Variants in RAPGEF5 observed in about 807,000 individuals in gnomAD.
The protein encoded by RAPGEF5 is Rap guanine nucleotide exchange factor 5.
In RAPGEF5, 65 loss-of-function variants were observed where a neutral mutation model predicts 125.2. The ratio of observed to expected loss-of-function variants is 0.52; its 90% CI spans 0.43 to 0.64. RAPGEF5 has a LOEUF of 0.64. Ranked by LOEUF, RAPGEF5 falls within the 30% of genes least tolerant of loss-of-function variation. The probability of loss-of-function intolerance (pLI) is 0.00; values close to 1 mark genes in which losing one functional copy is unlikely to be tolerated. For synonymous variants in RAPGEF5, 391 were observed against 385.9 expected, an observed-to-expected ratio of 1.01 and a Z score of -0.16; for missense variants, 958 against 1,048.1, an observed-to-expected ratio of 0.91 and a Z score of 1.19.
At chr7:22,210,734 T>C (rs1047733717) in intron 9 of RAPGEF5, among the ~76,000 whole-genome samples, 2 of 152,190 alleles carry the variant, frequency 1.3e-5, no homozygotes, top group African/African-American at 2.4e-5. Context: ...TGGTTGAGCC[T>C]TGTTCACTGA....
chr7:22,310,128 T>C, intron 3 of RAPGEF5, 38 bp from the exon 4 acceptor site: 1 of 1,467,018 alleles, frequency 6.8e-7, no homozygotes, highest in Non-Finnish European at 9.0e-7. Flanking sequence ...AAGATATTGC[T>C]GACATCCGTT....
At chr7:22,278,042 A>G (rs1156998071) in intron 6 of RAPGEF5, among the ~76,000 whole-genome samples, 1 of 152,166 alleles carries the variant, frequency 6.6e-6, no homozygotes, top group African/African-American at 2.4e-5. Flanking sequence ...AGGGCCTTAA[A>G]GTCACTTGCT....
chr7:22,125,422 C>G (rs1403516660), intron 25 of RAPGEF5, 182 bp downstream of exon 25: 1 of 566,100 alleles, frequency 1.8e-6, no homozygotes, highest in East Asian at 3.2e-5. Flanking sequence ...TTGTCTTCCT[C>G]TGCATCCCCA....
intron 11 of RAPGEF5, among the ~76,000 whole-genome samples, chr7:22,177,590 A>G (rs757651649): frequency 3.7e-4 from 57 of 152,232 alleles, no homozygotes; most frequent in Admixed American, 2.6e-3. Context: ...AGTGCTAATG[A>G]TAATCACGGA....
In RAPGEF5 at chr7:22,335,150, G is replaced by A. The variant is rs766463568; in HGVS notation, c.232-17113C>T. On this transcript the variant is annotated intron_variant, in intron 1 of 25. Coordinates refer to ENST00000665637, the MANE Select transcript of RAPGEF5 (RefSeq NM_012294.5). ...GGCAGGGGCATGCATGTTTATAAAC[G>A]AGCCAAATCCTTACCTTACAATCAA... 2.6e-5 allele frequency among the ~76,000 whole-genome samples: 4 copies of A among 152,178 alleles called. No homozygotes were observed. The East Asian group carries it at 7.7e-4, about 29-fold the overall frequency.
intron 9 of RAPGEF5, among the ~76,000 whole-genome samples, chr7:22,197,083 A>G (rs1785164411): frequency 6.6e-6 from 1 of 152,204 alleles, no homozygotes; most frequent in African/African-American, 2.4e-5. Context: ...GAGAGCCAGG[A>G]GAGCGCTGTA....
At chr7:22,126,410 T>C (rs767062899) in intron 24 of RAPGEF5, among the ~76,000 whole-genome samples, 7 of 152,192 alleles carry the variant, frequency 4.6e-5, no homozygotes, top group Non-Finnish European at 8.8e-5. Context: ...GTCACTGTCA[T>C]TGCTGTTGAA....
intron 6 of RAPGEF5, among the ~76,000 whole-genome samples, chr7:22,281,988 A>G (rs966028492): frequency 1.3e-5 from 2 of 152,220 alleles, no homozygotes; most frequent in Non-Finnish European, 2.9e-5. Flanking sequence ...AATGATGGCC[A>G]TTCCTCAAAC....
At position 22,149,431 on chromosome 7, in the gene RAPGEF5, G is replaced by A. The variant is rs10248756; in HGVS notation, c.1884+976C>T. Among the ~76,000 whole-genome samples the A allele has an allele frequency of 4.9e-3, 744 of 152,294 alleles. 7 individuals are homozygous for A. Among genetic ancestry groups the A allele is most frequent in the African/African-American group, 0.017 (705 of 41,554 alleles). On this transcript the variant is annotated intron_variant, in intron 18 of 25. Transcript: ENST00000665637. The stretch of plus-strand genomic sequence containing the variant: ...GGGACTCTGAGTTCCAGACACAATC[G>A]CAATCTGCTAGAGCCCACTTTTTCT...
chr7:22,354,876 C>T (rs1057122923), intron 1 of RAPGEF5, among the ~76,000 whole-genome samples: 1 of 152,204 alleles, frequency 6.6e-6, no homozygotes, highest in Non-Finnish European at 1.5e-5. Context: ...GTTGTTTAAA[C>T]CACCCAGTCT....
At chr7:22,128,947 T>C (rs1308249647) in intron 24 of RAPGEF5, among the ~76,000 whole-genome samples, 1 of 152,224 alleles carries the variant, frequency 6.6e-6, no homozygotes, top group African/African-American at 2.4e-5. Flanking sequence ...GGTATGATGA[T>C]TGACCCTAAT....
At chr7:22,200,873 T>C (rs996040699) in intron 9 of RAPGEF5, among the ~76,000 whole-genome samples, 16 of 152,234 alleles carry the variant, frequency 1.1e-4, no homozygotes, top group African/African-American at 3.9e-4. Context: ...TGGGATAGAC[T>C]GTAGCATCTT....
rs1389210958 is a variant in RAPGEF5 at position 22,357,127 on chromosome 7, C to T, written c.-67G>A. ...GCTCGCCTCCGCGCGCCGTCCGCGC[C>T]TTCGCCAGGAAGCGAGAGGGCGCGA... On this transcript the variant is annotated 5_prime_UTR_variant, in exon 1 of 26. Transcript: ENST00000665637. 3 of 892,440 alleles carry T rather than the reference C, an allele frequency of 3.4e-6. No homozygotes were observed. Among genetic ancestry groups the T allele is most frequent in the East Asian group, 2.1e-4 (2 of 9,622 alleles). The allele number at this position is 892,440 out of a possible 1,614,324, so 55.3% of individuals were successfully genotyped here. A position where few individuals can be genotyped will look rare whatever the true frequency, so the allele number is the denominator to read the frequency against.
intron 6 of RAPGEF5, among the ~76,000 whole-genome samples, chr7:22,270,597 G>A (rs1040865077): frequency 6.6e-6 from 1 of 152,130 alleles, no homozygotes; most frequent in African/African-American, 2.4e-5. Flanking sequence ...CAAAACCACT[G>A]CCTAGGTCAT....
chr7:22,191,947 G>T (rs1243290023), intron 11 of RAPGEF5, among the ~76,000 whole-genome samples: 1 of 152,204 alleles, frequency 6.6e-6, no homozygotes, highest in African/African-American at 2.4e-5. Flanking sequence ...GAAGAAGGAA[G>T]TATTCAATCT....
intron 9 of RAPGEF5, among the ~76,000 whole-genome samples, chr7:22,212,028 A>ACAATC (rs1785520191): frequency 7.0e-6 from 1 of 142,914 alleles, no homozygotes; most frequent in East Asian, 2.1e-4. Flanking sequence ...ATGCAGTGGC[A>ACAATC]CAATCTCGGC....
chr7:22,244,425 G>T (rs1242965295), intron 7 of RAPGEF5, among the ~76,000 whole-genome samples: 1 of 152,020 alleles, frequency 6.6e-6, no homozygotes, highest in Non-Finnish European at 1.5e-5. Flanking sequence ...ACCTCCTGTC[G>T]GATCAGTAGC....
intron 1 of RAPGEF5, among the ~76,000 whole-genome samples, chr7:22,320,931 G>A (rs1783702923): frequency 6.6e-6 from 1 of 152,058 alleles, no homozygotes; most frequent in Non-Finnish European, 1.5e-5. Flanking sequence ...ACTCGATGCA[G>A]GGTATCCTCT....
At chr7:22,159,355 T>C (rs931966224) in intron 14 of RAPGEF5, among the ~76,000 whole-genome samples, 6 of 152,238 alleles carry the variant, frequency 3.9e-5, no homozygotes, top group Non-Finnish European at 8.8e-5. Context: ...CATGGTTTGC[T>C]ACCTCAGATT....
Sources: allele counts gnomAD v4.1 joint callset (sites outside exome capture counted in the v4.1 genomes callset), GRCh38; gene constraint gnomAD v4.1.1; transcripts MANE v1.5; gene names NCBI Gene and HGNC (gene_info 2026-07-23, HGNC 2026-07-21).